MAP2K5: variants seen among roughly 807,000 people sequenced by gnomAD.
The protein encoded by MAP2K5 is mitogen-activated protein kinase kinase 5.
A neutral mutation model predicts 83.1 loss-of-function variants in MAP2K5; 49 were observed. The observed-to-expected ratio is 0.59, with a 90% CI of 0.47 to 0.75. The LOEUF (loss-of-function observed/expected upper bound fraction) is 0.75. Among genes scored for constraint, MAP2K5 ranks in the 30% least tolerant of loss-of-function variants. The pLI is 0.00. For synonymous variants in MAP2K5, 202 were observed against 191.8 expected (o/e 1.05, Z -0.44); for missense variants, 457 against 557.5 (o/e 0.82, Z 1.82).
In MAP2K5 at chr15:67,552,041, G is replaced by A. The variant is rs2084520666; in HGVS notation, c.184+1959G>A. ...ACAGTACTTTCCAGTGACTTACCCT[G>A]TAAAGTGGACTTGGGGCCTGAGGCT... On this transcript the variant is annotated intron_variant, in intron 2 of 21. Coordinates refer to ENST00000178640, the MANE Select transcript of MAP2K5 (RefSeq NM_145160.3). The surrounding 1 kb of genome is among the most constrained non-coding windows in gnomAD (Gnocchi z 4.2). Among the ~76,000 whole-genome samples, 1 of 147,188 alleles carries A rather than the reference G, an allele frequency of 6.8e-6. No homozygotes were observed. The highest frequency in any genetic ancestry group is 2.5e-5 in the African/African-American group (1 of 40,588).
rs1199026580 is a variant in MAP2K5, at chr15:67,562,734, GAAT to G, written c.185-539_185-537del. On this transcript the variant is annotated intron_variant, in intron 2 of 21. Transcript: ENST00000178640. This position sits in a 1 kb window ranked among gnomAD's most constrained non-coding sequence, Gnocchi z 4.1. ...AGGCCTAGGTTCTCCTGTGGAAAGA[GAAT>G]AATAATAATGATGTTCATGTCGCAG... Among the ~76,000 whole-genome samples, 4 of 152,288 alleles carry G rather than the reference GAAT, an allele frequency of 2.6e-5. No individual in the cohort carries two copies. The highest frequency in any genetic ancestry group is 1.3e-4 in the Admixed American group (2 of 15,296).
chr15:67,716,244 G>C (rs185403422), intron 16 of MAP2K5, among the ~76,000 whole-genome samples: 13 of 152,284 alleles, frequency 8.5e-5, no homozygotes, highest in African/African-American at 2.6e-4. Flanking sequence ...GGGAGGCTGA[G>C]GCAGGAGGAT....
chr15:67,566,006 C>G (rs2084830373), intron 3 of MAP2K5, among the ~76,000 whole-genome samples: 3 of 152,220 alleles, frequency 2.0e-5, no homozygotes, highest in African/African-American at 4.8e-5. Context: ...ATTGGTAGTC[C>G]TCATGATTAC....
In MAP2K5 at chr15:67,782,592, T is replaced by C. The variant is rs1035041991; in HGVS notation, c.1242+9840T>C. On this transcript the variant is annotated intron_variant, in intron 21 of 21. Transcript: ENST00000178640. This position sits in a 1 kb window ranked among gnomAD's most constrained non-coding sequence, Gnocchi z 4.9. ...TTCACAGGGAGCAGCTAATTGTCTA[T>C]GAAGGGCCCCCGTGTTTAAACGGGC... is the stretch of plus-strand genomic sequence containing the variant. Among the ~76,000 whole-genome samples the C allele has an allele frequency of 2.0e-5, 3 of 152,200 alleles. No individual in the cohort carries two copies. Among genetic ancestry groups the C allele is most frequent in the African/African-American group, 7.2e-5 (3 of 41,454 alleles).
chr15:67,553,920 A>AG (rs2084568369), intron 2 of MAP2K5, among the ~76,000 whole-genome samples: 1 of 2,860 alleles, frequency 3.5e-4, no homozygotes, highest in South Asian at 0.013. Context: ...ACTCCATCTC[A>AG]AAAAAAAAAA....
rs1271537028 is a variant in MAP2K5 at position 67,785,538 on chromosome 15, A to G, written c.1242+12786A>G. On this transcript the variant is annotated intron_variant, in intron 21 of 21. Transcript: ENST00000178640. The surrounding 1 kb of genome is among the most constrained non-coding windows in gnomAD (Gnocchi z 4.4). ...TACATGCAAACAAAGTAGTCAGGTC[A>G]CACAAACAGGAAGCCAAACAATCGG... is the stretch of plus-strand genomic sequence containing the variant. Among the ~76,000 whole-genome samples, 1 of 152,190 alleles carries G rather than the reference A, an allele frequency of 6.6e-6. No homozygotes were observed. Among genetic ancestry groups the G allele is most frequent in the African/African-American group, 2.4e-5 (1 of 41,452 alleles).
chr15:67,766,248 A>G (rs2090039281), intron 19 of MAP2K5, among the ~76,000 whole-genome samples: 1 of 152,186 alleles, frequency 6.6e-6, no homozygotes, highest in African/African-American at 2.4e-5. Context: ...TCTCCGATTG[A>G]GGCTTTTGGT....
chr15:67,760,455 A>C lies in MAP2K5; in HGVS notation c.1135-9147A>C, dbSNP rs1475218363. Among the ~76,000 whole-genome samples, 1 of 152,198 alleles carries C rather than the reference A, an allele frequency of 6.6e-6. No homozygotes were observed. Among genetic ancestry groups the C allele is most frequent in the African/African-American group, 2.4e-5 (1 of 41,458 alleles). Reference sequence around the variant, plus strand: ...TTAACTATTGCTGAAAAAAATCTATATTTTTATTATTTCCAAGTGGCACTG... The same window carrying C: ...TTAACTATTGCTGAAAAAAATCTATCTTTTTATTATTTCCAAGTGGCACTG... On this transcript the variant is annotated intron_variant, in intron 19 of 21. Coordinates refer to ENST00000178640, the MANE Select transcript of MAP2K5 (RefSeq NM_145160.3). The surrounding 1 kb of genome is among the most constrained non-coding windows in gnomAD (Gnocchi z 4.1).
At chr15:67,604,310 A>G (rs1407816926) in intron 8 of MAP2K5, among the ~76,000 whole-genome samples, 1 of 152,266 alleles carries the variant, frequency 6.6e-6, no homozygotes, top group Non-Finnish European at 1.5e-5. Context: ...TAGGAAGAAG[A>G]AAAGTTTAGG....
chr15:67,658,864 GAC>G (rs2087159623), intron 12 of MAP2K5: 1 of 535,348 alleles, frequency 1.9e-6, no homozygotes, highest in Admixed American at 2.4e-5. Context: ...TATTCTTGTT[GAC>G]TCGTAAAATT....
chr15:67,771,684 G>T (rs1481390830), intron 20 of MAP2K5, among the ~76,000 whole-genome samples: 1 of 152,176 alleles, frequency 6.6e-6, no homozygotes, highest in Non-Finnish European at 1.5e-5. Context: ...TATTTATAGG[G>T]AAGGCAAATG....
At chr15:67,620,418 G>A (rs575009549) in intron 8 of MAP2K5, among the ~76,000 whole-genome samples, 291 of 152,190 alleles carry the variant, frequency 1.9e-3, no homozygotes, top group Middle Eastern at 3.4e-3. Context: ...GTATATACCT[G>A]TGAATTTAAA....
Position 67,738,930 on chromosome 15 carries a change from C to G in MAP2K5, c.1075-9301C>G, listed in dbSNP as rs1341900272. ...ATTACTTCCTTGAAGTTTACTGAAA[C>G]CTGATTGTACCTATATCAAAATATG... On this transcript the variant is annotated intron_variant, in intron 17 of 21. Coordinates refer to ENST00000178640, the MANE Select transcript of MAP2K5 (RefSeq NM_145160.3). The surrounding 1 kb of genome is among the most constrained non-coding windows in gnomAD (Gnocchi z 4.1). Among the ~76,000 whole-genome samples, 1 of 152,076 alleles carries G rather than the reference C, an allele frequency of 6.6e-6. No individual in the cohort carries two copies. The highest frequency in any genetic ancestry group is 1.5e-5 in the Non-Finnish European group (1 of 68,018).
At chr15:67,745,261 G>T (rs766294588) in intron 17 of MAP2K5, among the ~76,000 whole-genome samples, 2 of 152,252 alleles carry the variant, frequency 1.3e-5, no homozygotes, top group Non-Finnish European at 2.9e-5. Flanking sequence ...GGTGCAGGCA[G>T]TACATCAGCC....
chr15:67,657,689 G>C (rs1406972785), intron 11 of MAP2K5, among the ~76,000 whole-genome samples: 2 of 150,888 alleles, frequency 1.3e-5, no homozygotes, highest in African/African-American at 4.9e-5. Flanking sequence ...TTCTCTATCT[G>C]CTTTAAATGG....
rs1194723646 is a variant in MAP2K5, at chr15:67,764,670, T to C, written c.1135-4932T>C. On this transcript the variant is annotated intron_variant, in intron 19 of 21. Transcript: ENST00000178640. This position sits in a 1 kb window ranked among gnomAD's most constrained non-coding sequence, Gnocchi z 4.9. ...CCACAAAAGCTGTTGAATGAATGAA[T>C]GAATAATGAATGATTGTATCATTTT... Among the ~76,000 whole-genome samples, 1 of 152,226 alleles carries C rather than the reference T, an allele frequency of 6.6e-6. No individual in the cohort carries two copies. The highest frequency in any genetic ancestry group is 1.5e-5 in the Non-Finnish European group (1 of 68,042).
At chr15:67,586,032 C>T in intron 5 of MAP2K5, 102 bp downstream of exon 5, 1 of 1,043,554 alleles carries the variant, frequency 9.6e-7, no homozygotes, top group Middle Eastern at 2.0e-4. Flanking sequence ...CAAGCTCTGA[C>T]AAGCGATCCT....
intron 8 of MAP2K5, among the ~76,000 whole-genome samples, chr15:67,614,245 C>G (rs1005696802): frequency 6.6e-6 from 1 of 152,084 alleles, no homozygotes; most frequent in South Asian, 2.1e-4. Flanking sequence ...TAATATTTAC[C>G]TCACAAATTT....
chr15:67,566,931 A>G (rs965131117), intron 3 of MAP2K5, among the ~76,000 whole-genome samples: 6 of 152,220 alleles, frequency 3.9e-5, no homozygotes, highest in African/African-American at 1.4e-4. Flanking sequence ...GTATTATGGT[A>G]AGGATTTGTC....
Sources: gnomAD v4.1 joint callset for allele counts (sites outside exome capture counted in the v4.1 genomes callset) on GRCh38, gnomAD v4.1.1 for gene constraint, Gnocchi (gnomAD v3.1) non-coding constraint, MANE v1.5 for transcripts, NCBI Gene and HGNC (gene_info 2026-07-23, HGNC 2026-07-21) for gene names.